XRN1: variants seen among roughly 807,000 people sequenced by gnomAD.
XRN1 encodes the protein 5'-3' exoribonuclease 1, also known as strand-exchange protein 1 homolog.
XRN1 carries 67 observed loss-of-function variants against 222.3 expected under a neutral mutation model. The observed-to-expected ratio is 0.30, with a 90% CI of 0.25 to 0.37. XRN1 has a LOEUF of 0.37. XRN1 is among the 10% of genes least tolerant of loss of function. The pLI, the probability that XRN1 is intolerant of heterozygous loss-of-function variation, is 1.00. For synonymous variants in XRN1, 643 were observed against 652.4 expected, an observed-to-expected ratio of 0.99 and a Z score of 0.22; for missense variants, 1,707 against 2,000.2, an observed-to-expected ratio of 0.85 and a Z score of 2.80.
At chr3:142,360,021 T>TTATAAAATTCTAGATATGA in intron 29 of XRN1, 90 bp from the exon 30 acceptor site, 1 of 782,888 alleles carries the variant, frequency 1.3e-6, no homozygotes, top group Non-Finnish European at 1.9e-6. Flanking sequence ...GAAGTATTTA[T>TTATAAAATTCTAGATATGA]TATAAAATTC....
intron 29 of XRN1, among the ~76,000 whole-genome samples, 159 bp downstream of exon 29, chr3:142,364,888 C>A (rs1044759197): frequency 6.6e-6 from 1 of 150,556 alleles, no homozygotes; most frequent in Non-Finnish European, 1.5e-5. Context: ...TTTTTTTTCT[C>A]TGAAAAGTAT....
intron 15 of XRN1, among the ~76,000 whole-genome samples, chr3:142,406,025 T>C (rs1343658339): frequency 6.6e-6 from 1 of 152,026 alleles, no homozygotes; most frequent in Non-Finnish European, 1.5e-5. Context: ...TGGGGAAAAC[T>C]ATTTCTAATA....
intron 29 of XRN1, among the ~76,000 whole-genome samples, chr3:142,363,384 G>A (rs189756230): frequency 6.6e-6 from 1 of 151,986 alleles, no homozygotes; most frequent in Non-Finnish European, 1.5e-5. Context: ...AACGGGGACA[G>A]CACCATTTGT....
At chr3:142,379,957 G>A (rs2067253201) in intron 23 of XRN1, 125 bp downstream of exon 23, 1 of 718,532 alleles carries the variant, frequency 1.4e-6, no homozygotes, top group Admixed American at 3.0e-5. Flanking sequence ...GATGCAACTG[G>A]GAGAGAGAAT....
intron 15 of XRN1, among the ~76,000 whole-genome samples, chr3:142,405,514 A>G (rs2108037375): frequency 6.6e-6 from 1 of 152,322 alleles, no homozygotes; most frequent in South Asian, 2.1e-4. Flanking sequence ...GATTTAAAAT[A>G]TCTTTTTTTT....
intron 15 of XRN1, among the ~76,000 whole-genome samples, chr3:142,409,939 A>C (rs992777483): frequency 2.0e-5 from 3 of 152,190 alleles, no homozygotes; most frequent in South Asian, 4.1e-4. Flanking sequence ...TTGTATTTTC[A>C]AATGGTTTGT....
At chr3:142,434,730 G>A (rs939546854) in intron 1 of XRN1, among the ~76,000 whole-genome samples, 3 of 152,036 alleles carry the variant, frequency 2.0e-5, no homozygotes, top group East Asian at 1.9e-4. Flanking sequence ...AAACTCCAGC[G>A]TGGGAGACAG....
At chr3:142,422,959 T>C in intron 6 of XRN1, 37 bp from the exon 7 acceptor site, 1 of 1,500,512 alleles carries the variant, frequency 6.7e-7, no homozygotes, top group Non-Finnish European at 9.1e-7. Flanking sequence ...CAGTGAATTT[T>C]ATTTTTAAGG....
chr3:142,374,348 T>C (rs536995117), intron 25 of XRN1, among the ~76,000 whole-genome samples: 15 of 151,830 alleles, frequency 9.9e-5, no homozygotes, highest in Non-Finnish European at 2.2e-4. Context: ...AAGAGAAAAA[T>C]GGAACTGAGC....
rs139926456 is a variant in XRN1 at position 142,347,274 on chromosome 3, A to T, written c.3837T>A (p.Ser1279Arg). 1.2e-4 allele frequency: 190 copies of T among 1,608,660 alleles called. No individual in the cohort carries two copies. The highest frequency in any genetic ancestry group is 1.6e-4 in the Non-Finnish European group (185 of 1,177,510). ...CATGTTTTCTTTGCTGATATTTAAC[A>T]CTGTTGTCATTAAAGCCAGATTTAT... Reference protein sequence around the residue: ...QHHKSGFNDNSVKYQQRKHDP... With the variant: ...QHHKSGFNDNRVKYQQRKHDP... The change falls in exon 33 of 41, where the codon AGT (serine) becomes AGA (arginine). Residue 1279 changes from serine to arginine, a missense_variant. Coordinates refer to ENST00000392981, the MANE Select transcript of XRN1 (RefSeq NM_001282857.2).
At chr3:142,329,397 A>C in intron 37 of XRN1, 37 bp downstream of exon 37, 1 of 1,316,134 alleles carries the variant, frequency 7.6e-7, no homozygotes, top group East Asian at 3.1e-5. Context: ...GCTTAATGTT[A>C]AATAATTTAT....
intron 25 of XRN1, among the ~76,000 whole-genome samples, chr3:142,372,400 G>C (rs964644855): frequency 6.6e-6 from 1 of 152,154 alleles, no homozygotes; most frequent in Non-Finnish European, 1.5e-5. Context: ...CCCGTGGAAG[G>C]GAAGGGAGAG....
chr3:142,384,318 C>T (rs1299313461), intron 21 of XRN1, among the ~76,000 whole-genome samples: 1 of 147,792 alleles, frequency 6.8e-6, no homozygotes, highest in Non-Finnish European at 1.5e-5. Flanking sequence ...GCATAAAAGA[C>T]AAGTTTCCTA....
At position 142,384,762 on chromosome 3, in the gene XRN1, G is replaced by A. The variant is rs979451402; in HGVS notation, c.2340-77C>T. 1.4e-5 allele frequency: 16 copies of A among 1,116,986 alleles called. No individual in the cohort carries two copies. The African/African-American group carries it at 1.9e-4, about 13-fold the overall frequency. 69.2% of individuals were successfully genotyped at this position (1,116,986 alleles called of 1,614,324 possible). A position where few individuals can be genotyped will look rare whatever the true frequency, so the allele number is the denominator to read the frequency against. On this transcript the variant is annotated intron_variant, in intron 20 of 40. Transcript: ENST00000392981. ...TCTAGGACGATAATCGTCAACTATCGTAAACTATCAACTCATAATCAAGTG... is the reference window on the plus strand; with the variant it reads ...TCTAGGACGATAATCGTCAACTATCATAAACTATCAACTCATAATCAAGTG...
At position 142,380,137 on chromosome 3, in the gene XRN1, A is replaced by C; in HGVS notation, c.2660T>G (p.Val887Gly). 1 of 1,614,014 alleles carries C rather than the reference A, an allele frequency of 6.2e-7. No homozygotes were observed. Among genetic ancestry groups the C allele is most frequent in the Non-Finnish European group, 8.5e-7 (1 of 1,179,946 alleles). ...GDVITEGRIRVIFSIPCEPNL... is the reference protein window; with the variant it reads ...GDVITEGRIRGIFSIPCEPNL... ...GGGTTCACATGGAATGCTGAAAATCACACGAATCCTACCTTCTGTAATCAC... is the reference window on the plus strand; with the variant it reads ...GGGTTCACATGGAATGCTGAAAATCCCACGAATCCTACCTTCTGTAATCAC... The change falls in exon 23 of 41, where the codon GTG becomes GGG. Residue 887 changes from valine (V) to glycine (G), a missense_variant. By Grantham distance (109) the Val-to-Gly change is moderately radical (BLOSUM62 -3). Around this residue, in one of 2 missense-constraint regions of XRN1, gnomAD observed 1,234 missense variants for 1,518.2 expected, o/e 0.81. Coordinates refer to ENST00000392981, the MANE Select transcript of XRN1 (RefSeq NM_001282857.2).
chr3:142,379,869 C>T (rs956957146), intron 23 of XRN1, among the ~76,000 whole-genome samples: 5 of 151,912 alleles, frequency 3.3e-5, no homozygotes, highest in African/African-American at 4.9e-5. Context: ...GGATTAATAA[C>T]GGGATTTCAG....
rs2108113771 is a variant in XRN1, at chr3:142,422,854, T to C, written c.779A>G (p.Tyr260Cys). The change falls in exon 7 of 41, where the codon TAT (tyrosine) becomes TGT (cysteine). Residue 260 changes from tyrosine to cysteine, a missense_variant. Around this residue, in one of 2 missense-constraint regions of XRN1, gnomAD observed 1,234 missense variants for 1,518.2 expected, o/e 0.81. Transcript: ENST00000392981. ...HLSLMREYIDYEFSVLKEKIT... is the reference protein window; with the variant it reads ...HLSLMREYIDCEFSVLKEKIT... ...ACTTACTTTTAATACTGAAAACTCA[T>C]AGTCAATATACTCTCTCATTAAAGA... The C allele has an allele frequency of 6.2e-7, 1 of 1,611,258 alleles. No individual in the cohort carries two copies. The highest frequency in any genetic ancestry group is 2.2e-5 in the East Asian group (1 of 44,738).
intron 16 of XRN1, among the ~76,000 whole-genome samples, chr3:142,404,245 A>G (rs142727912): frequency 1.3e-5 from 2 of 152,292 alleles, no homozygotes; most frequent in Non-Finnish European, 2.9e-5. Flanking sequence ...TATAAATTTT[A>G]AGATAAAATA....
chr3:142,422,316 C>G (rs1316432898), intron 8 of XRN1, among the ~76,000 whole-genome samples: 1 of 151,992 alleles, frequency 6.6e-6, no homozygotes, highest in African/African-American at 2.4e-5. Context: ...CAGAGCAAGA[C>G]CCCGTCTCAA....
Sources: gnomAD v4.1 joint callset for allele counts (sites outside exome capture counted in the v4.1 genomes callset) on GRCh38, gnomAD v4.1.1 for gene constraint, gnomAD v4.1.1 regional missense constraint, MANE v1.5 for transcripts, NCBI Gene and HGNC (gene_info 2026-07-23, HGNC 2026-07-21) for gene names.